FLT1: variants seen among roughly 807,000 people sequenced by gnomAD.
FLT1 encodes fms related receptor tyrosine kinase 1.
In FLT1, 49 loss-of-function variants were observed where a neutral mutation model predicts 156.3. That is an observed-to-expected ratio of 0.31 (90% CI 0.25 to 0.40). The LOEUF is 0.40. FLT1 is among the 10% of genes least tolerant of loss of function. The probability of loss-of-function intolerance (pLI) is 1.00; values close to 1 mark genes in which losing one functional copy is unlikely to be tolerated. For missense variants in FLT1, 1,322 were observed against 1,637.2 expected, an observed-to-expected ratio of 0.81 and a Z score of 3.32; for synonymous variants, 594 against 583.8, an observed-to-expected ratio of 1.02 and a Z score of -0.25.
At chr13:28,371,013 T>C (rs1335778231) in intron 14 of FLT1, among the ~76,000 whole-genome samples, 1 of 152,204 alleles carries the variant, frequency 6.6e-6, no homozygotes, top group East Asian at 1.9e-4. Flanking sequence ...GTTATGGGAA[T>C]ACAAATCATA....
chr13:28,371,138 C>T (rs1334635809), intron 14 of FLT1, among the ~76,000 whole-genome samples: 2 of 152,006 alleles, frequency 1.3e-5, no homozygotes, highest in Non-Finnish European at 2.9e-5. Flanking sequence ...ATGGTGTGAC[C>T]TTAACTCAAA....
At chr13:28,378,630 T>TA (rs1385191039) in intron 14 of FLT1, among the ~76,000 whole-genome samples, 1 of 152,102 alleles carries the variant, frequency 6.6e-6, no homozygotes, top group Admixed American at 6.5e-5. Flanking sequence ...CCTCATCCAT[T>TA]AGTCTGTAAA....
At chr13:28,403,015 G>A (rs541138890) in intron 11 of FLT1, among the ~76,000 whole-genome samples, 88 of 152,198 alleles carry the variant, frequency 5.8e-4, no homozygotes, top group Admixed American at 1.8e-3. Context: ...CCTGACCTCA[G>A]GTGATCCGCC....
intron 13 of FLT1, 35 bp from the exon 14 acceptor site, chr13:28,385,066 T>G (rs1392896901): frequency 6.2e-7 from 1 of 1,610,522 alleles, no homozygotes; most frequent in Non-Finnish European, 8.5e-7. Context: ...TGATTACTCG[T>G]CAACTTTATT....
chr13:28,465,173 C>T (rs930517725), intron 3 of FLT1, among the ~76,000 whole-genome samples: 1 of 152,184 alleles, frequency 6.6e-6, no homozygotes, highest in African/African-American at 2.4e-5. Flanking sequence ...ACCTTCTCTA[C>T]CCTTCCTCAT....
At position 28,430,771 on chromosome 13, in the gene FLT1, T is replaced by A. The variant is rs186681173; in HGVS notation, c.988+365A>T. ...AATGATTTAGCATACCATATTTTTATTTCTCTAATTCATGGTAGTACCTGA... is the reference window on the plus strand; with the variant it reads ...AATGATTTAGCATACCATATTTTTAATTCTCTAATTCATGGTAGTACCTGA... On this transcript the variant is annotated intron_variant, in intron 7 of 29. Coordinates refer to ENST00000282397, the MANE Select transcript of FLT1 (RefSeq NM_002019.4). Among the ~76,000 whole-genome samples, 471 of 152,332 alleles carry A rather than the reference T, an allele frequency of 3.1e-3. 5 individuals carry two copies. Among genetic ancestry groups the A allele is most frequent in the Non-Finnish European group, 3.9e-3 (263 of 68,028 alleles).
At chr13:28,345,007 C>T (rs890491908) in intron 16 of FLT1, among the ~76,000 whole-genome samples, 5 of 151,606 alleles carry the variant, frequency 3.3e-5, no homozygotes, top group South Asian at 2.1e-4. Context: ...CTTACTATAT[C>T]GGACAGGCTG....
rs372953781 is a variant in FLT1, at chr13:28,322,401, T to A, written c.2954-42A>T. 2 of 1,260,010 alleles carry A rather than the reference T, an allele frequency of 1.6e-6. No homozygotes were observed. The highest frequency in any genetic ancestry group is 2.3e-6 in the Non-Finnish European group (2 of 857,682). The allele number at this position is 1,260,010 out of a possible 1,614,324, so 78.1% of individuals were successfully genotyped here. A position where few individuals can be genotyped will look rare whatever the true frequency, so the allele number is the denominator to read the frequency against. On this transcript the variant is annotated intron_variant, in intron 21 of 29. Transcript: ENST00000282397. The surrounding 1 kb of genome is among the most constrained non-coding windows in gnomAD (Gnocchi z 4.3). ...CCGTAACTGTTTGTAATGGCTCTTG[T>A]TATCCCACCAAATCCCAGTTTATTG...
chr13:28,393,401 G>A (rs1183267270), intron 12 of FLT1, among the ~76,000 whole-genome samples: 1 of 152,122 alleles, frequency 6.6e-6, no homozygotes, highest in Non-Finnish European at 1.5e-5. Context: ...TACTGCCACC[G>A]AAGAGTGGAA....
At chr13:28,342,735 G>A (rs1339079239) in intron 16 of FLT1, among the ~76,000 whole-genome samples, 2 of 152,000 alleles carry the variant, frequency 1.3e-5, no homozygotes, top group Admixed American at 6.6e-5. Context: ...CTATAAAATG[G>A]GAATAATAAT....
chr13:28,473,663 AAGAAAGAAAGAG>A (rs1464187861), intron 1 of FLT1, among the ~76,000 whole-genome samples: 8 of 138,422 alleles, frequency 5.8e-5, no homozygotes, highest in Admixed American at 2.3e-4. Flanking sequence ...GAAAGAAAGA[AAGAAAGAAAGAG>A]AGAGAGAGAG....
intron 3 of FLT1, among the ~76,000 whole-genome samples, chr13:28,442,487 G>C (rs374684500): frequency 2.6e-5 from 4 of 152,222 alleles, no homozygotes; most frequent in African/African-American, 9.6e-5. Context: ...CTTTGGTACT[G>C]TGGATCCCCA....
intron 1 of FLT1, among the ~76,000 whole-genome samples, chr13:28,474,380 T>C (rs1880419974): frequency 6.6e-6 from 1 of 152,114 alleles, no homozygotes; most frequent in South Asian, 2.1e-4. Context: ...CACTTGAACC[T>C]GGAGGAGGAG....
intron 22 of FLT1, 69 bp from the exon 23 acceptor site, chr13:28,321,654 G>A: frequency 6.7e-7 from 1 of 1,495,356 alleles, no homozygotes; most frequent in African/African-American, 1.4e-5. Flanking sequence ...ACACCTGTCA[G>A]TGTCATTATC....
chr13:28,309,314 A>G (rs1398706468), intron 27 of FLT1, among the ~76,000 whole-genome samples: 1 of 152,214 alleles, frequency 6.6e-6, no homozygotes, highest in Non-Finnish European at 1.5e-5. Flanking sequence ...GTGAGGTGGC[A>G]AAGTGACCTG....
intron 3 of FLT1, among the ~76,000 whole-genome samples, chr13:28,462,028 C>T (rs148847917): frequency 1.3e-5 from 2 of 152,222 alleles, no homozygotes; most frequent in African/African-American, 4.8e-5. Context: ...TCCACCCAGC[C>T]CCATCATTTT....
At chr13:28,348,595 A>T (rs576043092) in intron 15 of FLT1, among the ~76,000 whole-genome samples, 1 of 152,102 alleles carries the variant, frequency 6.6e-6, no homozygotes, top group Non-Finnish European at 1.5e-5. Context: ...ACCTACCTCT[A>T]AAGAGTTTCA....
intron 18 of FLT1, among the ~76,000 whole-genome samples, chr13:28,330,499 G>T (rs544516928): frequency 6.6e-6 from 1 of 151,136 alleles, no homozygotes; most frequent in Non-Finnish European, 1.5e-5. Context: ...AAGCCACTCC[G>T]ACCCACTTGC....
intron 8 of FLT1, 105 bp downstream of exon 8, chr13:28,429,945 G>A (rs1319167853): frequency 3.6e-6 from 3 of 838,344 alleles, no homozygotes; most frequent in Non-Finnish European, 6.3e-6. Context: ...GGCTGTCTGA[G>A]GAACGTCTCT....
Sources: gnomAD v4.1 joint callset for allele counts (sites outside exome capture counted in the v4.1 genomes callset) on GRCh38, gnomAD v4.1.1 for gene constraint, Gnocchi (gnomAD v3.1) non-coding constraint, MANE v1.5 for transcripts, NCBI Gene and HGNC (gene_info 2026-07-23, HGNC 2026-07-21) for gene names.